Variants in INSC observed in about 807,000 individuals in gnomAD.
The protein encoded by INSC is INSC spindle orientation adaptor protein, also known as protein inscuteable homolog.
INSC carries 67 observed loss-of-function variants against 58.6 expected under a neutral mutation model. The observed-to-expected ratio is 1.14, with a 90% CI of 0.94 to 1.40. The LOEUF is 1.40. Among genes scored for constraint, INSC ranks in the 40% most tolerant of loss-of-function variants. The probability of loss-of-function intolerance (pLI) is 0.00; values close to 1 mark genes in which losing one functional copy is unlikely to be tolerated. For synonymous variants in INSC, 262 were observed against 276.1 expected (o/e 0.95, Z 0.51); for missense variants, 714 against 692.0 (o/e 1.03, Z -0.36).
Position 15,200,980 on chromosome 11 carries a change from G to T in INSC, c.819+31G>T, listed in dbSNP as rs780988776. On this transcript the variant is annotated intron_variant, in intron 7 of 12. Transcript: ENST00000379556. Reference sequence around the variant, plus strand: ...GACAGCTGGCTGGGTGGTGCCTGAGGTCCTCAAGCCAGGTAGGGGTGAGGT... The same window carrying T: ...GACAGCTGGCTGGGTGGTGCCTGAGTTCCTCAAGCCAGGTAGGGGTGAGGT... 2.5e-6 allele frequency: 4 copies of T among 1,571,472 alleles called. No homozygotes were observed. In the African/African-American group the frequency reaches 5.4e-5, roughly 21 times the overall value.
In INSC at chr11:15,114,959, C is replaced by T. The variant is rs1389854580; in HGVS notation, c.-90C>T. On this transcript the variant is annotated 5_prime_UTR_variant, in exon 1 of 13. Transcript: ENST00000379556. ...GGCCTCTGGAGCTCCAGCTGCGCCCCGCCACCACTGGCCGCTCGCACTACC... is the reference window on the plus strand; with the variant it reads ...GGCCTCTGGAGCTCCAGCTGCGCCCTGCCACCACTGGCCGCTCGCACTACC... 2 of 985,344 alleles carry T rather than the reference C, an allele frequency of 2.0e-6. No homozygotes were observed. The highest frequency in any genetic ancestry group is 2.4e-6 in the Non-Finnish European group (2 of 829,954). The allele number at this position is 985,344 out of a possible 1,614,324, so 61.0% of individuals were successfully genotyped here.
At chr11:15,226,730 G>GC (rs1180388834) in intron 9 of INSC, among the ~76,000 whole-genome samples, 1 of 152,172 alleles carries the variant, frequency 6.6e-6, no homozygotes, top group African/African-American at 2.4e-5. Flanking sequence ...CTGCAGGAAG[G>GC]CCTTCCCTGA....
intron 9 of INSC, among the ~76,000 whole-genome samples, chr11:15,230,022 A>T (rs1177616141): frequency 5.1e-5 from 3 of 58,866 alleles, no homozygotes; most frequent in African/African-American, 1.4e-4. Flanking sequence ...TAATATATAT[A>T]TATATATATA....
At chr11:15,216,973 C>G (rs1851243480) in intron 7 of INSC, among the ~76,000 whole-genome samples, 1 of 152,002 alleles carries the variant, frequency 6.6e-6, no homozygotes, top group African/African-American at 2.4e-5. Context: ...ACTTTTAGGC[C>G]TATTTTATAA....
At chr11:15,179,327 A>G (rs1424473738) in intron 5 of INSC, among the ~76,000 whole-genome samples, 2 of 152,240 alleles carry the variant, frequency 1.3e-5, no homozygotes, top group African/African-American at 4.8e-5. Flanking sequence ...TCATTATGAA[A>G]GGTATTTATG....
At chr11:15,233,765 T>C (rs1336365641) in intron 9 of INSC, among the ~76,000 whole-genome samples, 6 of 152,070 alleles carry the variant, frequency 3.9e-5, no homozygotes, top group African/African-American at 9.7e-5. Flanking sequence ...TGAATCTGCA[T>C]GTCAAGTAAG....
chr11:15,175,249 C>T (rs1849532496), intron 2 of INSC, among the ~76,000 whole-genome samples: 1 of 152,170 alleles, frequency 6.6e-6, no homozygotes, highest in Non-Finnish European at 1.5e-5. Context: ...TGCATATTAG[C>T]ACACACATTT....
the INSC span, among the ~76,000 whole-genome samples, chr11:15,262,691 C>T: frequency 6.6e-6 from 1 of 151,336 alleles, no homozygotes; most frequent in African/African-American, 2.4e-5. Flanking sequence ...CACACACAAA[C>T]AGTATCTCCA....
intron 1 of INSC, among the ~76,000 whole-genome samples, chr11:15,133,930 G>A (rs956207741): frequency 2.0e-5 from 3 of 152,200 alleles, no homozygotes; most frequent in African/African-American, 7.2e-5. Context: ...TAACAATCTT[G>A]TATGAGTTTA....
chr11:15,144,816 G>C (rs942027415), intron 1 of INSC, among the ~76,000 whole-genome samples: 11 of 152,216 alleles, frequency 7.2e-5, no homozygotes, highest in Non-Finnish European at 1.3e-4. Context: ...GCTTCTAATG[G>C]GATGTGGGCG....
upstream of INSC, among the ~76,000 whole-genome samples, chr11:15,113,119 C>CTTTCTTTCTTTCTTTCTTTCTTTCTT (rs1554899333): frequency 1.2e-4 from 9 of 73,264 alleles, no homozygotes; most frequent in African/African-American, 2.4e-4. Flanking sequence ...TTCTCTCTCT[C>CTTTCTTTCTTTCTTTCTTTCTTTCTT]TCTTTCTTTC....
At chr11:15,238,825 C>G (rs1852228330) in intron 10 of INSC, 94 bp from the exon 11 acceptor site, 5 of 1,344,670 alleles carry the variant, frequency 3.7e-6, no homozygotes, top group Non-Finnish European at 2.1e-6. Context: ...TCCTGACAGC[C>G]TTTGCTTGCA....
At chr11:15,180,302 G>A (rs960979741) in intron 5 of INSC, among the ~76,000 whole-genome samples, 35 of 149,058 alleles carry the variant, frequency 2.3e-4, no homozygotes, top group Admixed American at 4.7e-4. Flanking sequence ...CAAACAAAAA[G>A]GGCTGAAAAA....
At chr11:15,129,046 G>A (rs1473407511) in intron 1 of INSC, among the ~76,000 whole-genome samples, 1 of 152,172 alleles carries the variant, frequency 6.6e-6, no homozygotes, top group Non-Finnish European at 1.5e-5. Context: ...TTTGCTTGGG[G>A]CAAGAGGGAA....
downstream of INSC, among the ~76,000 whole-genome samples, chr11:15,250,281 C>A (rs898764442): frequency 6.6e-6 from 1 of 152,186 alleles, no homozygotes; most frequent in Non-Finnish European, 1.5e-5. Flanking sequence ...CCTCTATGAG[C>A]TTCTGTTCTC....
At chr11:15,140,325 G>A (rs1848339000) in intron 1 of INSC, among the ~76,000 whole-genome samples, 1 of 152,126 alleles carries the variant, frequency 6.6e-6, no homozygotes. Context: ...CCTCGTACTT[G>A]ATAACCACAG....
intron 10 of INSC, among the ~76,000 whole-genome samples, chr11:15,237,790 C>A (rs72857779): frequency 0.081 from 12,252 of 152,186 alleles, 539 homozygotes; most frequent in African/African-American, 0.1. Context: ...AAAGAAGGAA[C>A]TCATAATAAG....
chr11:15,210,250 C>A (rs1850966666), intron 7 of INSC, among the ~76,000 whole-genome samples: 1 of 152,178 alleles, frequency 6.6e-6, no homozygotes, highest in Non-Finnish European at 1.5e-5. Context: ...CTATGAGCCT[C>A]AATTTTCTCA....
intron 1 of INSC, among the ~76,000 whole-genome samples, chr11:15,120,359 C>T (rs1379728380): frequency 6.6e-6 from 1 of 152,106 alleles, no homozygotes; most frequent in Admixed American, 6.5e-5. Context: ...AAATAAAGGC[C>T]TGTCTGTGGG....
Sources: allele counts gnomAD v4.1 joint callset (sites outside exome capture counted in the v4.1 genomes callset), GRCh38; gene constraint gnomAD v4.1.1; transcripts MANE v1.5; gene names NCBI Gene and HGNC (gene_info 2026-07-23, HGNC 2026-07-21).